Variants in KIF1B observed in about 807,000 individuals in gnomAD.
The protein encoded by KIF1B is kinesin family member 1B.
KIF1B carries 76 observed loss-of-function variants against 241.9 expected under a neutral mutation model. That is an observed-to-expected ratio of 0.31 (90% confidence interval 0.26 to 0.38). KIF1B has a LOEUF of 0.38. KIF1B is among the 10% of genes least tolerant of loss of function. The probability of loss-of-function intolerance (pLI) is 1.00; values close to 1 mark genes in which losing one functional copy is unlikely to be tolerated. For missense variants in KIF1B, 1,622 were observed against 2,271.4 expected, an observed-to-expected ratio of 0.71 and a Z score of 5.81; for synonymous variants, 750 against 796.7, an observed-to-expected ratio of 0.94 and a Z score of 0.99.
At chr1:10,239,648 C>A (rs1024994004) in intron 2 of KIF1B, among the ~76,000 whole-genome samples, 3 of 152,054 alleles carry the variant, frequency 2.0e-5, no homozygotes, top group Admixed American at 6.6e-5. Context: ...TGCTCTGTAG[C>A]CCAGGCTGGA....
At chr1:10,230,939 C>T (rs546975467) in intron 1 of KIF1B, 21 of 152,250 alleles carry the variant, frequency 1.4e-4, no homozygotes, top group East Asian at 1.2e-3. Flanking sequence ...ATTGGCCAGG[C>T]GCAGTGACTC....
chr1:10,230,312 A>G (rs1273954220), intron 1 of KIF1B, among the ~76,000 whole-genome samples: 9 of 152,136 alleles, frequency 5.9e-5, no homozygotes. Context: ...GTGGTTCCTG[A>G]TAATTGGATT....
Position 10,303,381 on chromosome 1 carries a change from C to A in KIF1B, c.2115+6135C>A. Reference sequence around the variant, plus strand: ...GTAAAGATTCCAAGTGGGTCACAATCTCAGATCTTAAAATTCAGGCTGTCA... The same window carrying A: ...GTAAAGATTCCAAGTGGGTCACAATATCAGATCTTAAAATTCAGGCTGTCA... On this transcript the variant is annotated intron_variant, in intron 22 of 48. Transcript: ENST00000676179. The surrounding 1 kb of genome is among the most constrained non-coding windows in gnomAD (Gnocchi z 5.2). The A allele has an allele frequency of 1.9e-6, 3 of 1,614,192 alleles. No individual in the cohort carries two copies. The highest frequency in any genetic ancestry group is 2.5e-6 in the Non-Finnish European group (3 of 1,180,042).
chr1:10,233,244 A>G (rs949490718), intron 2 of KIF1B, among the ~76,000 whole-genome samples: 5 of 152,194 alleles, frequency 3.3e-5, no homozygotes, highest in African/African-American at 1.2e-4. Flanking sequence ...GGTAGTTCAC[A>G]TACAACTTTG....
At chr1:10,274,189 C>T (rs538154942) in intron 10 of KIF1B, among the ~76,000 whole-genome samples, 33 of 145,886 alleles carry the variant, frequency 2.3e-4, no homozygotes, top group Admixed American at 9.4e-4. Flanking sequence ...CCACCCACCT[C>T]GGCCTCCCAA....
Position 10,378,743 on chromosome 1 carries a change from G to A in KIF1B, c.*2156G>A. The A allele has an allele frequency of 2.9e-6, 1 of 344,934 alleles. No homozygotes were observed. Among genetic ancestry groups the A allele is most frequent in the East Asian group, 4.7e-5 (1 of 21,384 alleles). The allele number at this position is 344,934 out of a possible 1,614,324, so 21.4% of individuals were successfully genotyped here. ...GGTTGGGCTCATCTCTGAAGAACAG[G>A]TCTCCCAGCTTCGCTCCTTATCACT... On this transcript the variant is annotated 3_prime_UTR_variant, in exon 49 of 49. Transcript: ENST00000676179.
rs924226442 is a variant in KIF1B at position 10,326,914 on chromosome 1, T to C, written c.2924+555T>C. On this transcript the variant is annotated intron_variant, in intron 27 of 48. Transcript: ENST00000676179. This position sits in a 1 kb window ranked among gnomAD's most constrained non-coding sequence, Gnocchi z 5.2. Reference sequence around the variant, plus strand: ...TAAAAAGAATCAGGAAAGTTAAGCTTCTCCTTTACCTAAAACGGATGCCTG... The same window carrying C: ...TAAAAAGAATCAGGAAAGTTAAGCTCCTCCTTTACCTAAAACGGATGCCTG... 2.6e-5 allele frequency among the ~76,000 whole-genome samples: 4 copies of C among 152,178 alleles called. No individual in the cohort carries two copies. In the South Asian group the frequency reaches 8.3e-4, roughly 31 times the overall value.
intron 32 of KIF1B, 135 bp from the exon 33 acceptor site, chr1:10,341,915 A>C: frequency 1.4e-6 from 1 of 701,064 alleles, no homozygotes; most frequent in Non-Finnish European, 2.5e-6. Context: ...AGGCCGCATG[A>C]GCCTTGTTTG....
intron 22 of KIF1B, chr1:10,304,360 C>T (rs754550864): frequency 6.2e-7 from 1 of 1,614,218 alleles, no homozygotes; most frequent in Non-Finnish European, 8.5e-7. Flanking sequence ...TAATGGCCAG[C>T]CGAAAAGTAC....
intron 37 of KIF1B, among the ~76,000 whole-genome samples, chr1:10,351,591 C>A (rs561529125): frequency 6.6e-6 from 1 of 152,254 alleles, no homozygotes; most frequent in South Asian, 2.1e-4. Flanking sequence ...GAGGCCAAGT[C>A]CTTAACGTCT....
chr1:10,212,282 C>G (rs143123877), intron 1 of KIF1B, among the ~76,000 whole-genome samples: 16 of 152,254 alleles, frequency 1.1e-4, no homozygotes, highest in African/African-American at 3.6e-4. Flanking sequence ...TCTTGTGTTC[C>G]TCTAAGAAGT....
rs115341794 is a variant in KIF1B, at chr1:10,222,212, C to A, written c.-79-10038C>A. Reference sequence around the variant, plus strand: ...ATATTAAGAAATGAATTAACGCATCCTGCTCCATGGTCTCATTTGACCTTG... The same window carrying A: ...ATATTAAGAAATGAATTAACGCATCATGCTCCATGGTCTCATTTGACCTTG... On this transcript the variant is annotated intron_variant, in intron 1 of 48. Coordinates refer to ENST00000676179, the MANE Select transcript of KIF1B (RefSeq NM_001365951.3). Among the ~76,000 whole-genome samples the A allele has an allele frequency of 6.8e-3, 1,034 of 152,256 alleles. 11 individuals are homozygous for A. The highest frequency in any genetic ancestry group is 0.037 in the Middle Eastern group (11 of 294).
At chr1:10,333,564 C>T (rs1426637891) in intron 27 of KIF1B, among the ~76,000 whole-genome samples, 3 of 151,326 alleles carry the variant, frequency 2.0e-5, no homozygotes, top group South Asian at 2.1e-4. Context: ...TGGTGGCGGG[C>T]GCCGATAGTC....
At chr1:10,307,712 G>C in intron 22 of KIF1B, 1 of 1,026,370 alleles carries the variant, frequency 9.7e-7, no homozygotes, top group South Asian at 4.6e-5. Flanking sequence ...GGTATCCCTA[G>C]CTATTATTAT....
rs1442476323 is a variant in KIF1B, at chr1:10,379,866, C to T, written c.*3279C>T. The T allele has an allele frequency of 3.1e-5, 7 of 229,184 alleles. No homozygotes were observed. Among genetic ancestry groups the T allele is most frequent in the Non-Finnish European group, 5.2e-5 (6 of 115,554 alleles). 14.2% of individuals were successfully genotyped at this position (229,184 alleles called of 1,614,324 possible). A position where few individuals can be genotyped will look rare whatever the true frequency, so the allele number is the denominator to read the frequency against. Reference sequence around the variant, plus strand: ...ACTGTGCAGGGCCAGCCAGCCCATGCGCTAGTCAGGAGCACAGGCAAGGGG... The same window carrying T: ...ACTGTGCAGGGCCAGCCAGCCCATGTGCTAGTCAGGAGCACAGGCAAGGGG... On this transcript the variant is annotated 3_prime_UTR_variant, in exon 49 of 49. Transcript: ENST00000676179.
At chr1:10,323,821 C>G in intron 24 of KIF1B, 63 bp from the exon 25 acceptor site, 2 of 1,320,940 alleles carry the variant, frequency 1.5e-6, no homozygotes, top group Non-Finnish European at 2.2e-6. Context: ...ATGATTGTAT[C>G]GTCTCATCTC....
At chr1:10,351,704 G>A (rs1362778559) in intron 37 of KIF1B, among the ~76,000 whole-genome samples, 2 of 152,212 alleles carry the variant, frequency 1.3e-5, no homozygotes, top group Non-Finnish European at 2.9e-5. Context: ...GGTGGCTCAT[G>A]CCTGTAATCC....
intron 47 of KIF1B, 39 bp from the exon 48 acceptor site, chr1:10,375,216 C>G (rs780979831): frequency 1.3e-6 from 2 of 1,562,148 alleles, no homozygotes; most frequent in South Asian, 2.2e-5. Context: ...ATTGCTGTCT[C>G]TGTAGTAACT....
chr1:10,324,462 G>C (rs1000031096), intron 25 of KIF1B, among the ~76,000 whole-genome samples: 12 of 152,094 alleles, frequency 7.9e-5, no homozygotes, highest in African/African-American at 2.9e-4. Flanking sequence ...CCGTCTCAGT[G>C]TATTTGAGAT....
Sources: allele counts gnomAD v4.1 joint callset (sites outside exome capture counted in the v4.1 genomes callset), GRCh38; gene constraint gnomAD v4.1.1; non-coding constraint Gnocchi (gnomAD v3.1); transcripts MANE v1.5; gene names NCBI Gene and HGNC (gene_info 2026-07-23, HGNC 2026-07-21).